Variants in CRB1 observed in about 807,000 individuals in gnomAD.
The protein encoded by CRB1 is crumbs cell polarity complex component 1.
Under a neutral mutation model 120.0 loss-of-function variants are expected in CRB1, and 83 were observed. That is an observed-to-expected ratio of 0.69 (90% CI 0.58 to 0.83). The LOEUF is 0.83. CRB1 is among the 40% of genes least tolerant of loss of function. The pLI, the probability that CRB1 is intolerant of heterozygous loss-of-function variation, is 0.00. For synonymous variants in CRB1, 625 were observed against 612.5 expected (o/e 1.02, Z -0.30); for missense variants, 1,699 against 1,687.6 (o/e 1.01, Z -0.12).
At chr1:197,278,924 AATC>A (rs1201915878) in intron 1 of CRB1, among the ~76,000 whole-genome samples, 1 of 151,902 alleles carries the variant, frequency 6.6e-6, no homozygotes, top group Non-Finnish European at 1.5e-5. Context: ...TGCCTAAGAA[AATC>A]ATCACACTTT....
At chr1:197,434,578 G>C in intron 8 of CRB1, 128 bp from the exon 9 acceptor site, 1 of 826,188 alleles carries the variant, frequency 1.2e-6, no homozygotes. Flanking sequence ...AACTAGCACA[G>C]TATGTAACAT....
At chr1:197,226,010 C>T in the CRB1 span, among the ~76,000 whole-genome samples, 43 of 152,124 alleles carry the variant, frequency 2.8e-4, no homozygotes, top group African/African-American at 4.3e-4. Flanking sequence ...AAGCTATTCT[C>T]GTGCCTCAGT....
rs1195300745 is a variant in CRB1, at chr1:197,429,713, A to G, written c.2842+99A>G. 4.0e-6 allele frequency: 5 copies of G among 1,253,678 alleles called. No homozygotes were observed. In the African/African-American group the frequency reaches 7.4e-5, roughly 19 times the overall value. The allele number at this position is 1,253,678 out of a possible 1,614,324, so 77.7% of individuals were successfully genotyped here. On this transcript the variant is annotated intron_variant, in intron 8 of 11. Coordinates refer to ENST00000367400, the MANE Select transcript of CRB1 (RefSeq NM_201253.3). Reference sequence around the variant, plus strand: ...AAAAGAGTATAGACAAAGCCAGTTTATTAAATTAATCTATGGTTGTTTCCC... The same window carrying G: ...AAAAGAGTATAGACAAAGCCAGTTTGTTAAATTAATCTATGGTTGTTTCCC...
At position 197,442,372 on chromosome 1, in the gene CRB1, T is replaced by A. The variant is rs765155462; in HGVS notation, c.4005+80T>A. The A allele has an allele frequency of 1.2e-5, 19 of 1,609,788 alleles. 1 individual carries two copies. In the East Asian group the frequency reaches 3.8e-4, roughly 32 times the overall value. ...CTTCTTTCTTACCTCATTTTGCGTA[T>A]GAATGACGAGCCAGTTGTTGAGTGG... On this transcript the variant is annotated intron_variant, in intron 11 of 11. Coordinates refer to ENST00000367400, the MANE Select transcript of CRB1 (RefSeq NM_201253.3).
rs1163013240 is a variant in CRB1 at position 197,344,311 on chromosome 1, G to C, written c.683G>C (p.Cys228Ser). Residue 228 changes from cysteine to serine, a missense_variant, in exon 3 of 12, where the codon TGT becomes TCT. Coordinates refer to ENST00000367400, the MANE Select transcript of CRB1 (RefSeq NM_201253.3). ...AACTGTGAATTGGAAATTGACGAAT[G>C]TTGGTCCCAGCCTTGTTTAAATGGT... ...GVNCELEIDE[C>S]WSQPCLNGAT... 5 of 1,614,172 alleles carry C rather than the reference G, an allele frequency of 3.1e-6. No homozygotes were observed. The highest frequency in any genetic ancestry group is 4.2e-6 in the Non-Finnish European group (5 of 1,180,026).
chr1:197,362,029 C>T (rs1466531161), intron 5 of CRB1, among the ~76,000 whole-genome samples: 1 of 151,916 alleles, frequency 6.6e-6, no homozygotes, highest in Admixed American at 6.6e-5. Context: ...TTTTGATATG[C>T]CATACTTCCA....
rs1362977783 is a variant in CRB1 at position 197,447,079 on chromosome 1, A to G, written c.4005+4787A>G. On this transcript the variant is annotated intron_variant, in intron 11 of 11. Coordinates refer to ENST00000367400, the MANE Select transcript of CRB1 (RefSeq NM_201253.3). ...TAAAACAACACACATTTATTATCTC[A>G]CAGTTTCTGTGTTCAGGAGCCCAGG... is the stretch of plus-strand genomic sequence containing the variant. Among the ~76,000 whole-genome samples, 2 of 152,176 alleles carry G rather than the reference A, an allele frequency of 1.3e-5. 1 individual carries two copies. Among genetic ancestry groups the G allele is most frequent in the Non-Finnish European group, 2.9e-5 (2 of 68,020 alleles).
chr1:197,356,257 A>C (rs1455114234), intron 4 of CRB1, among the ~76,000 whole-genome samples: 2 of 152,246 alleles, frequency 1.3e-5, no homozygotes, highest in Admixed American at 1.3e-4. Context: ...GTTCAAGTAG[A>C]GAACTTTCAT....
intron 5 of CRB1, among the ~76,000 whole-genome samples, chr1:197,407,763 T>C (rs533007330): frequency 6.6e-6 from 1 of 152,196 alleles, no homozygotes; most frequent in Non-Finnish European, 1.5e-5. Flanking sequence ...GAGTCAATAC[T>C]ATAAATTCTT....
chr1:197,301,291 G>C (rs576880047), intron 1 of CRB1, among the ~76,000 whole-genome samples: 1 of 151,978 alleles, frequency 6.6e-6, no homozygotes, highest in African/African-American at 2.4e-5. Flanking sequence ...TCAGCCTCCT[G>C]AGTAGCTGGG....
At chr1:197,239,911 TATATATACA>T in the CRB1 span, among the ~76,000 whole-genome samples, 1 of 149,646 alleles carries the variant, frequency 6.7e-6, no homozygotes, top group Non-Finnish European at 1.5e-5. Context: ...TTATAATTAT[TATATATACA>T]TGTCTATCAT....
At chr1:197,375,352 T>C (rs901856107) in intron 5 of CRB1, among the ~76,000 whole-genome samples, 5 of 152,176 alleles carry the variant, frequency 3.3e-5, no homozygotes, top group African/African-American at 1.2e-4. Context: ...TGCAGTGGAT[T>C]TGCATCACAG....
chr1:197,421,357 T>G lies in CRB1; in HGVS notation c.1529T>G (p.Ile510Arg). ...SVTTKGSVCN[I>R]ALRFQTVQPM... ...ACAACCAAGGGCTCAGTTTGTAACA[T>G]AGCCCTCAGGTTTCAGACTGTTCAG... Residue 510 changes from isoleucine to arginine, a missense_variant, in exon 6 of 12, where the codon ATA (isoleucine) becomes AGA (arginine). Coordinates refer to ENST00000367400, the MANE Select transcript of CRB1 (RefSeq NM_201253.3). The G allele has an allele frequency of 6.2e-7, 1 of 1,614,238 alleles. No homozygotes were observed. The highest frequency in any genetic ancestry group is 8.5e-7 in the Non-Finnish European group (1 of 1,180,038).
intron 5 of CRB1, among the ~76,000 whole-genome samples, chr1:197,412,869 C>T (rs773873039): frequency 5.9e-5 from 9 of 152,170 alleles, no homozygotes; most frequent in Non-Finnish European, 8.8e-5. Flanking sequence ...TTGCATCACA[C>T]GTTTTCTGCC....
intron 11 of CRB1, among the ~76,000 whole-genome samples, chr1:197,474,855 A>G (rs1347442213): frequency 6.6e-6 from 1 of 152,122 alleles, no homozygotes; most frequent in Non-Finnish European, 1.5e-5. Flanking sequence ...TTTTCTAAAG[A>G]TCATTGGATA....
At chr1:197,270,068 C>T (rs1654825371) in intron 1 of CRB1, among the ~76,000 whole-genome samples, 1 of 151,972 alleles carries the variant, frequency 6.6e-6, no homozygotes, top group Non-Finnish European at 1.5e-5. Flanking sequence ...TAGTTTAGAC[C>T]TTGTTAGCTG....
chr1:197,279,171 A>G (rs1655384170), intron 1 of CRB1, among the ~76,000 whole-genome samples: 2 of 151,938 alleles, frequency 1.3e-5, no homozygotes, highest in Non-Finnish European at 2.9e-5. Context: ...TAGATTAGGA[A>G]TTCCTATTTC....
chr1:197,274,757 T>TGATA (rs934134261), intron 1 of CRB1, among the ~76,000 whole-genome samples: 61 of 152,314 alleles, frequency 4.0e-4, no homozygotes, highest in African/African-American at 1.4e-3. Flanking sequence ...TTTTGTGACT[T>TGATA]GATAGTTCAT....
intron 1 of CRB1, among the ~76,000 whole-genome samples, chr1:197,269,213 G>A (rs956880556): frequency 6.6e-6 from 1 of 152,182 alleles, no homozygotes; most frequent in African/African-American, 2.4e-5. Flanking sequence ...GTGTGTGCTT[G>A]TCAAAGGGGC....
Sources: gnomAD v4.1 joint callset for allele counts (sites outside exome capture counted in the v4.1 genomes callset) on GRCh38, gnomAD v4.1.1 for gene constraint, MANE v1.5 for transcripts, NCBI Gene and HGNC (gene_info 2026-07-23, HGNC 2026-07-21) for gene names.